Variants in OPCML observed in about 807,000 individuals in gnomAD.
OPCML encodes the protein opioid binding protein/cell adhesion molecule like.
In OPCML, 13 loss-of-function variants were observed where a neutral mutation model predicts 37.8. That is an observed-to-expected ratio of 0.34 (90% CI 0.22 to 0.55). The LOEUF (loss-of-function observed/expected upper bound fraction) is 0.55. OPCML is among the 20% of genes least tolerant of loss of function. The pLI is 0.91. For synonymous variants in OPCML, 176 were observed against 168.8 expected, an observed-to-expected ratio of 1.04 and a Z score of -0.33; for missense variants, 341 against 435.6, an observed-to-expected ratio of 0.78 and a Z score of 1.93.
intron 2 of OPCML, among the ~76,000 whole-genome samples, chr11:132,714,759 C>G (rs116662504): frequency 2.1e-3 from 324 of 152,258 alleles, no homozygotes; most frequent in African/African-American, 7.5e-3. Flanking sequence ...CAAGGACACA[C>G]CGGTTTTCCA....
chr11:132,754,546 T>A (rs1324921107), intron 2 of OPCML, among the ~76,000 whole-genome samples: 1 of 152,106 alleles, frequency 6.6e-6, no homozygotes, highest in Non-Finnish European at 1.5e-5. Flanking sequence ...CTCAGATACA[T>A]CTTTATCAGC....
intron 3 of OPCML, among the ~76,000 whole-genome samples, chr11:132,608,049 T>C (rs956191982): frequency 6.6e-6 from 1 of 152,192 alleles, no homozygotes; most frequent in Non-Finnish European, 1.5e-5. Flanking sequence ...ATATTTGAGG[T>C]GATTTGATTA....
chr11:132,722,355 C>A (rs1944706089), intron 2 of OPCML, among the ~76,000 whole-genome samples: 1 of 151,892 alleles, frequency 6.6e-6, no homozygotes, highest in Non-Finnish European at 1.5e-5. Flanking sequence ...GGTGAAGAAG[C>A]TACCTGCATT....
intron 1 of OPCML, among the ~76,000 whole-genome samples, chr11:133,502,642 G>T (rs1295302189): frequency 6.6e-6 from 1 of 152,204 alleles, no homozygotes; most frequent in African/African-American, 2.4e-5. Context: ...GATTTTCAGG[G>T]AAGAAAGGAA....
At chr11:132,812,914 A>G (rs73039445) in intron 2 of OPCML, among the ~76,000 whole-genome samples, 20,157 of 152,204 alleles carry the variant, frequency 0.13, 1,465 homozygotes, top group African/African-American at 0.18. Context: ...ATTGAAAGCA[A>G]GATGAATTAG....
chr11:133,021,886 A>G (rs1394177155), intron 1 of OPCML, among the ~76,000 whole-genome samples: 2 of 152,242 alleles, frequency 1.3e-5, no homozygotes, highest in Non-Finnish European at 2.9e-5. Flanking sequence ...CCCGTGCTAC[A>G]GAGCAAAGCA....
intron 1 of OPCML, among the ~76,000 whole-genome samples, chr11:133,386,813 A>G (rs1945064954): frequency 6.6e-6 from 1 of 152,038 alleles, no homozygotes; most frequent in Non-Finnish European, 1.5e-5. Flanking sequence ...GGCCACTGGG[A>G]GCGAAAACTG....
chr11:133,486,818 CTCTCTA>C (rs1044902719), intron 1 of OPCML, among the ~76,000 whole-genome samples: 26 of 150,984 alleles, frequency 1.7e-4, no homozygotes, highest in Non-Finnish European at 3.7e-4. Flanking sequence ...CTCTCTCTCT[CTCTCTA>C]TCTCTCGCTC....
chr11:132,691,002 C>T (rs1565779076), intron 2 of OPCML, among the ~76,000 whole-genome samples: 2 of 152,282 alleles, frequency 1.3e-5, no homozygotes, highest in East Asian at 3.9e-4. Context: ...CTAATAAGAC[C>T]TAACATTGAT....
chr11:132,686,708 C>T (rs1943171345), intron 2 of OPCML, among the ~76,000 whole-genome samples: 1 of 152,182 alleles, frequency 6.6e-6, no homozygotes, highest in Admixed American at 6.5e-5. Flanking sequence ...TGTCCATTGA[C>T]CCTAGGTTTC....
rs184164084 is a variant in OPCML, at chr11:133,333,884, A to T, written c.61+198380T>A. 2.2e-3 allele frequency among the ~76,000 whole-genome samples: 339 copies of T among 151,832 alleles called. 6 individuals carry two copies. Among genetic ancestry groups the T allele is most frequent in the Middle Eastern group, 0.014 (4 of 294 alleles). Reference sequence around the variant, plus strand: ...ACATATATGTGTCCAACAAGCATTTAAAAAAAAAGTTCAATATCACTGATC... The same window carrying T: ...ACATATATGTGTCCAACAAGCATTTTAAAAAAAAGTTCAATATCACTGATC... On this transcript the variant is annotated intron_variant, in intron 1 of 7. Coordinates refer to ENST00000524381, the MANE Select transcript of OPCML (RefSeq NM_001012393.5).
At chr11:132,531,928 AT>A (rs946981147) in intron 3 of OPCML, among the ~76,000 whole-genome samples, 26 of 151,910 alleles carry the variant, frequency 1.7e-4, no homozygotes, top group South Asian at 1.7e-3. Flanking sequence ...TTTTGTCTTA[AT>A]TTTTTTTCAG....
At chr11:133,209,545 T>C (rs996350260) in intron 1 of OPCML, among the ~76,000 whole-genome samples, 38 of 152,334 alleles carry the variant, frequency 2.5e-4, no homozygotes, top group African/African-American at 9.1e-4. Flanking sequence ...TAATAGAATA[T>C]AAAACACTTG....
intron 1 of OPCML, among the ~76,000 whole-genome samples, chr11:133,060,309 G>A (rs1254374089): frequency 6.6e-6 from 1 of 151,796 alleles, no homozygotes; most frequent in Non-Finnish European, 1.5e-5. Context: ...AGAGAACACA[G>A]AAGCTGTTAG....
intron 7 of OPCML, among the ~76,000 whole-genome samples, chr11:132,427,339 G>C (rs1021131461): frequency 6.6e-6 from 1 of 152,196 alleles, no homozygotes; most frequent in African/African-American, 2.4e-5. Context: ...GTGATTAAAA[G>C]AGGAGCAAAG....
At chr11:132,575,613 T>C (rs1217854659) in intron 3 of OPCML, among the ~76,000 whole-genome samples, 1 of 152,028 alleles carries the variant, frequency 6.6e-6, no homozygotes, top group African/African-American at 2.4e-5. Flanking sequence ...CTTATATTTA[T>C]TTGTAATAAT....
At chr11:132,759,963 C>A (rs901379032) in intron 2 of OPCML, among the ~76,000 whole-genome samples, 3 of 152,162 alleles carry the variant, frequency 2.0e-5, no homozygotes, top group African/African-American at 7.2e-5. Context: ...CTAAACACTG[C>A]TTTAGCTGTG....
intron 1 of OPCML, among the ~76,000 whole-genome samples, chr11:133,256,146 A>G (rs1941306597): frequency 6.6e-6 from 1 of 151,826 alleles, no homozygotes; most frequent in African/African-American, 2.4e-5. Context: ...TCCTGAAGGA[A>G]CTCGAGCATT....
At chr11:133,313,986 A>C (rs940606435) in intron 1 of OPCML, among the ~76,000 whole-genome samples, 35 of 152,126 alleles carry the variant, frequency 2.3e-4, no homozygotes, top group Non-Finnish European at 1.8e-4. Flanking sequence ...CTGTAATCCC[A>C]GCACTTTGGG....
Sources: allele counts gnomAD v4.1 joint callset (sites outside exome capture counted in the v4.1 genomes callset), GRCh38; gene constraint gnomAD v4.1.1; transcripts MANE v1.5; gene names NCBI Gene and HGNC (gene_info 2026-07-23, HGNC 2026-07-21).